Variants in SAXO5 observed in about 807,000 individuals in gnomAD.
The protein encoded by SAXO5 is testis expressed 45.
At chr19:7,507,159 G>A in the SAXO5 span, 4 of 1,605,830 alleles carry the variant, frequency 2.5e-6, no homozygotes, top group East Asian at 8.9e-5. Context: ...AGGCGGAGGG[G>A]AGCCACCCAT....
At chr19:7,498,170 T>TATAC in the SAXO5 span, among the ~76,000 whole-genome samples, 1 of 142,434 alleles carries the variant, frequency 7.0e-6, no homozygotes, top group African/African-American at 2.6e-5. Flanking sequence ...CACACACACA[T>TATAC]ACACACACAC....
chr19:7,501,534 G>C, the SAXO5 span: 2 of 1,061,662 alleles, frequency 1.9e-6, no homozygotes, highest in Non-Finnish European at 2.5e-6. Flanking sequence ...TCAGGACTTG[G>C]GGGGTGGCCG....
chr19:7,508,362 G>A, the SAXO5 span: 123 of 1,613,810 alleles, frequency 7.6e-5, no homozygotes, highest in African/African-American at 1.1e-3. Context: ...TCACCAGCGC[G>A]GCTGCAGGGA....
the SAXO5 span, chr19:7,501,236 G>T: frequency 6.4e-7 from 1 of 1,554,592 alleles, no homozygotes; most frequent in South Asian, 1.2e-5. Flanking sequence ...CCGAGCTGCC[G>T]GCGCGCACCC....
At chr19:7,499,808 A>AT in the SAXO5 span, 1 of 143,912 alleles carries the variant, frequency 6.9e-6, no homozygotes, top group East Asian at 2.0e-4. Flanking sequence ...CCCTGTCTCT[A>AT]AAAAAAAAAA....
chr19:7,508,106 C>G, the SAXO5 span: 1 of 969,624 alleles, frequency 1.0e-6, no homozygotes, highest in African/African-American at 1.6e-5. Context: ...CCTGCCTGGC[C>G]CCGCCCCCTG....
At chr19:7,497,970 G>A in the SAXO5 span, among the ~76,000 whole-genome samples, 2 of 152,010 alleles carry the variant, frequency 1.3e-5, no homozygotes, top group African/African-American at 4.8e-5. Flanking sequence ...GGCCAACATG[G>A]CGAAACCCCG....
the SAXO5 span, chr19:7,505,459 G>C: frequency 6.2e-6 from 10 of 1,613,400 alleles, no homozygotes; most frequent in Admixed American, 1.7e-5. Context: ...GGCCCGCCCC[G>C]TCCCGCCTCC....
At chr19:7,498,176 C>CACACACACAT in the SAXO5 span, among the ~76,000 whole-genome samples, 2 of 121,384 alleles carry the variant, frequency 1.6e-5, no homozygotes, top group African/African-American at 6.3e-5. Flanking sequence ...CACATACACA[C>CACACACACAT]ACACACACAC....
At chr19:7,503,579 A>G in the SAXO5 span, among the ~76,000 whole-genome samples, 1 of 151,908 alleles carries the variant, frequency 6.6e-6, no homozygotes. Flanking sequence ...CCACCTCCCA[A>G]GTTCAAATTA....
chr19:7,508,268 G>A, the SAXO5 span: 2,171 of 1,613,972 alleles, frequency 1.3e-3, 1 homozygote, highest in Non-Finnish European at 1.7e-3. Flanking sequence ...CACAATACAA[G>A]GACGAGTTTC....
chr19:7,499,130 G>A, the SAXO5 span, among the ~76,000 whole-genome samples: 16 of 151,676 alleles, frequency 1.1e-4, no homozygotes, highest in Admixed American at 2.6e-4. Flanking sequence ...TGACCAATGT[G>A]GTGAAACCCC....
chr19:7,508,269 G>T, the SAXO5 span: 2 of 1,614,080 alleles, frequency 1.2e-6, 1 homozygote, highest in South Asian at 2.2e-5. Flanking sequence ...ACAATACAAG[G>T]ACGAGTTTCC....
At chr19:7,504,090 C>CTCTCTCTT in the SAXO5 span, 1 of 1,498,322 alleles carries the variant, frequency 6.7e-7, no homozygotes, top group Non-Finnish European at 9.3e-7. Flanking sequence ...ATCTCTCTCT[C>CTCTCTCTT]TCTCCCCCCA....
At chr19:7,506,368 C>T in the SAXO5 span, 144 of 653,676 alleles carry the variant, frequency 2.2e-4, 1 homozygote, top group African/African-American at 2.2e-3. Context: ...GGCTTCATCC[C>T]CTGAAAGGCT....
At chr19:7,508,159 G>C in the SAXO5 span, 3 of 1,542,850 alleles carry the variant, frequency 1.9e-6, no homozygotes, top group African/African-American at 4.1e-5. Context: ...GGGTGGATCG[G>C]CCACCTCCCA....
the SAXO5 span, among the ~76,000 whole-genome samples, chr19:7,498,237 G>C: frequency 6.6e-6 from 1 of 151,290 alleles, no homozygotes; most frequent in Non-Finnish European, 1.5e-5. Flanking sequence ...TTGTGATGGG[G>C]TTTCGCTCTG....
chr19:7,501,547 C>A, the SAXO5 span: 1 of 952,150 alleles, frequency 1.1e-6, no homozygotes, highest in Non-Finnish European at 1.4e-6. Context: ...GGTGGCCGGG[C>A]GCGGTGGCTC....
chr19:7,501,279 G>T, the SAXO5 span: 240 of 1,572,738 alleles, frequency 1.5e-4, no homozygotes, highest in Admixed American at 3.5e-5. Flanking sequence ...CCTCATCTTC[G>T]ACCGCGACTC....
Sources: allele counts gnomAD v4.1 joint callset (sites outside exome capture counted in the v4.1 genomes callset), GRCh38; gene constraint gnomAD v4.1.1; transcripts MANE v1.5; gene names NCBI Gene and HGNC (gene_info 2026-07-23, HGNC 2026-07-21).